MATR3: variants seen among roughly 807,000 people sequenced by gnomAD.
MATR3 encodes the protein matrin 3, also known as matrin-3.
Under a neutral mutation model 85.5 loss-of-function variants are expected in MATR3, and 4 were observed. That is an observed-to-expected ratio of 0.05 (90% CI 0.02 to 0.11). The LOEUF (loss-of-function observed/expected upper bound fraction) is 0.11, where lower values mean the gene tolerates loss of function less well. MATR3 is among the 10% of genes least tolerant of loss of function. The pLI is 1.00. For missense variants in MATR3, 685 were observed against 1,016.1 expected (o/e 0.67, Z 4.43); for synonymous variants, 336 against 343.1 (o/e 0.98, Z 0.23).
In MATR3 at chr5:139,331,506, A is replaced by G; in HGVS notation, c.*2111A>G. The G allele has an allele frequency of 2.2e-6, 1 of 454,142 alleles. No homozygotes were observed. Among genetic ancestry groups the G allele is most frequent in the Non-Finnish European group, 4.4e-6 (1 of 226,794 alleles). The allele number at this position is 454,142 out of a possible 1,614,324, so 28.1% of individuals were successfully genotyped here. On this transcript the variant is annotated 3_prime_UTR_variant, in exon 15 of 15. Coordinates refer to ENST00000394805, the MANE Select transcript of MATR3 (RefSeq NM_018834.6). ...AAATCAGAAATTATAATAAGCTGTTAGTGATAAATCTGTAACAGCCCTTCG... is the reference window on the plus strand; with the variant it reads ...AAATCAGAAATTATAATAAGCTGTTGGTGATAAATCTGTAACAGCCCTTCG...
chr5:139,290,807 TCA>T (rs1252474747), upstream of MATR3, among the ~76,000 whole-genome samples: 4 of 152,114 alleles, frequency 2.6e-5, no homozygotes, highest in African/African-American at 7.2e-5. Flanking sequence ...TGTAAATTTG[TCA>T]CTAACCCACA....
At chr5:139,329,013 A>T (rs1755996853) in intron 14 of MATR3, among the ~76,000 whole-genome samples, 1 of 152,180 alleles carries the variant, frequency 6.6e-6, no homozygotes, top group Non-Finnish European at 1.5e-5. Context: ...TCAAAAAAAA[A>T]AGAATAAAAG....
At chr5:139,283,807 C>A (rs1349090099) in intron 3 of MATR3, among the ~76,000 whole-genome samples, 4 of 152,220 alleles carry the variant, frequency 2.6e-5, no homozygotes, top group Non-Finnish European at 4.4e-5. Context: ...CGTAGATTCC[C>A]TTGTTGGCCA....
chr5:139,278,311 T>C, intron 2 of MATR3: 1 of 454,018 alleles, frequency 2.2e-6, no homozygotes, highest in South Asian at 1.6e-5. Flanking sequence ...CTAAGTTTGC[T>C]TGTCTTCCTT....
chr5:139,306,303 G>A (rs1754703273), intron 1 of MATR3, among the ~76,000 whole-genome samples: 1 of 152,110 alleles, frequency 6.6e-6, no homozygotes, highest in Admixed American at 6.5e-5. Context: ...AAATTTACCA[G>A]GTGATTTGGG....
At chr5:139,320,216 G>A (rs1289767287) in intron 9 of MATR3, among the ~76,000 whole-genome samples, 1 of 151,860 alleles carries the variant, frequency 6.6e-6, no homozygotes, top group African/African-American at 2.4e-5. Context: ...GGCTGAGGCA[G>A]GAGAATGGCA....
chr5:139,306,275 G>C (rs1362332139), intron 1 of MATR3, among the ~76,000 whole-genome samples: 3 of 152,050 alleles, frequency 2.0e-5, no homozygotes, highest in Admixed American at 2.0e-4. Flanking sequence ...ACGTCTTGGG[G>C]GATCATAATC....
Position 139,294,038 on chromosome 5 carries a change from C to CACAGT in MATR3, c.-178+233_-178+234insACAGT. On this transcript the variant is annotated intron_variant, in intron 1 of 14. Coordinates refer to ENST00000394805, the MANE Select transcript of MATR3 (RefSeq NM_018834.6). ...TTCTAGGGCGGCGGAGGTGAGCGGT[C>CACAGT]CGGGAGGGAAACACGCGGCCGGCCA... 2.3e-5 allele frequency: 29 copies of CACAGT among 1,275,712 alleles called. No homozygotes were observed. The South Asian group carries it at 2.3e-4, about 10-fold the overall frequency. 79.0% of individuals were successfully genotyped at this position (1,275,712 alleles called of 1,614,324 possible).
intron 3 of MATR3, among the ~76,000 whole-genome samples, chr5:139,284,950 A>G (rs1370767454): frequency 6.6e-6 from 1 of 152,248 alleles, no homozygotes; most frequent in East Asian, 1.9e-4. Flanking sequence ...GCCATAGAAT[A>G]TCAACACTAT....
At chr5:139,312,218 T>A (rs952666529) in intron 2 of MATR3, 4 of 152,204 alleles carry the variant, frequency 2.6e-5, no homozygotes, top group African/African-American at 9.7e-5. Context: ...CTCATTGCAC[T>A]CTCTACCACC....
rs1755398329 is a variant in MATR3 at position 139,318,931 on chromosome 5, A to G, written c.1332A>G (p.Thr444=). Residue 444 remains threonine (T), a synonymous_variant, in exon 8 of 15, where the codon ACA becomes ACG. Transcript: ENST00000394805. ...INEAFIEMAT[T]EDAQAAVDYY... is the part of the protein sequence containing the mutation. ...AGGCATTTATTGAAATGGCAACCAC[A>G]GAGGATGCTCAGGCCGCAGTGGATT... 1 of 1,614,078 alleles carries G rather than the reference A, an allele frequency of 6.2e-7. No homozygotes were observed. Among genetic ancestry groups the G allele is most frequent in the African/African-American group, 1.3e-5 (1 of 74,952 alleles).
intron 9 of MATR3, among the ~76,000 whole-genome samples, chr5:139,321,400 C>T (rs1178866642): frequency 3.3e-5 from 5 of 152,076 alleles, no homozygotes; most frequent in East Asian, 3.9e-4. Flanking sequence ...GTGAGCCACC[C>T]GCCTTGGCCT....
In MATR3 at chr5:139,307,880, C is replaced by T. The variant is rs1234755013; in HGVS notation, c.465C>T (p.Thr155=). ...GGAGGAGAACTGAAGAAGGCCCTAC[C>T]TTGAGTTATGGTAGAGATGGCAGAT... is the stretch of plus-strand genomic sequence containing the variant. ...LKRRRTEEGP[T]LSYGRDGRSA... is the part of the protein sequence containing the mutation. The change falls in exon 2 of 15, where the codon ACC becomes ACT. Residue 155 remains threonine (T), a synonymous_variant. Transcript: ENST00000394805. The surrounding 1 kb of genome is among the most constrained non-coding windows in gnomAD (Gnocchi z 4.4). The T allele has an allele frequency of 6.2e-7, 1 of 1,614,056 alleles. No homozygotes were observed. Among genetic ancestry groups the T allele is most frequent in the Non-Finnish European group, 8.5e-7 (1 of 1,180,000 alleles).
At chr5:139,319,121 G>T (rs926102941) in intron 8 of MATR3, 88 bp downstream of exon 8, 4 of 1,457,676 alleles carry the variant, frequency 2.7e-6, no homozygotes, top group South Asian at 2.3e-5. Context: ...TATTGCTAAG[G>T]CCAGGTGTGG....
At chr5:139,318,635 G>T (rs1205615625) in intron 7 of MATR3, among the ~76,000 whole-genome samples, 1 of 152,192 alleles carries the variant, frequency 6.6e-6, no homozygotes, top group Non-Finnish European at 1.5e-5. Context: ...TAGAGACGGG[G>T]TTTCACCATG....
rs1756010786 is a variant in MATR3, at chr5:139,329,283, T to G, written c.2494-62T>G. On this transcript the variant is annotated intron_variant, in intron 14 of 14. Coordinates refer to ENST00000394805, the MANE Select transcript of MATR3 (RefSeq NM_018834.6). ...GGATATAGGATATTTGATTTTGGAA[T>G]TAATCCATTTTGCTGCATTTCTCTT... is the stretch of plus-strand genomic sequence containing the variant. The G allele has an allele frequency of 3.5e-6, 4 of 1,148,310 alleles. No homozygotes were observed. In the Admixed American group the frequency reaches 6.8e-5, roughly 20 times the overall value. 71.1% of individuals were successfully genotyped at this position (1,148,310 alleles called of 1,614,324 possible). A position where few individuals can be genotyped will look rare whatever the true frequency, so the allele number is the denominator to read the frequency against.
At chr5:139,324,298 T>TG (rs1414468864) in intron 12 of MATR3, among the ~76,000 whole-genome samples, 39 of 146,736 alleles carry the variant, frequency 2.7e-4, no homozygotes, top group African/African-American at 9.8e-4. Context: ...TTGTTTTTTT[T>TG]TTTTTTTTTT....
intron 7 of MATR3, among the ~76,000 whole-genome samples, chr5:139,318,687 C>T (rs535471551): frequency 2.4e-4 from 36 of 152,230 alleles, no homozygotes; most frequent in Admixed American, 7.8e-4. Context: ...CCTCGTGATC[C>T]GCCTGCCTCG....
chr5:139,294,905 T>A (rs1393938737), intron 1 of MATR3: 11 of 152,246 alleles, frequency 7.2e-5, no homozygotes, highest in African/African-American at 2.2e-4. Flanking sequence ...TTACAGTTTT[T>A]TAGCCAGATA....
Sources: gnomAD v4.1 joint callset for allele counts (sites outside exome capture counted in the v4.1 genomes callset) on GRCh38, gnomAD v4.1.1 for gene constraint, Gnocchi (gnomAD v3.1) non-coding constraint, MANE v1.5 for transcripts, NCBI Gene and HGNC (gene_info 2026-07-23, HGNC 2026-07-21) for gene names.